Variants in SPAM1 observed in about 807,000 individuals in gnomAD.
SPAM1 encodes the protein sperm adhesion molecule 1, also known as hyaluronidase PH-20.
SPAM1 carries 22 observed loss-of-function variants against 29.6 expected under a neutral mutation model. The ratio of observed to expected loss-of-function variants is 0.74; its 90% confidence interval spans 0.53 to 1.06. The LOEUF is 1.06. SPAM1 is among the 50% of genes least tolerant of loss of function. The pLI is 0.00. For missense variants in SPAM1, 534 were observed against 604.0 expected (o/e 0.88, Z 1.21); for synonymous variants, 194 against 204.6 (o/e 0.95, Z 0.44).
downstream of SPAM1, among the ~76,000 whole-genome samples, chr7:123,964,697 C>T (rs542309087): frequency 6.6e-5 from 10 of 151,850 alleles, no homozygotes; most frequent in South Asian, 4.2e-4. Flanking sequence ...CCACCACATG[C>T]GGCACTACTA....
intron 1 of SPAM1, among the ~76,000 whole-genome samples, chr7:123,927,029 T>C (rs1249738463): frequency 6.6e-6 from 1 of 152,198 alleles, no homozygotes; most frequent in Non-Finnish European, 1.5e-5. Context: ...AATTTTAAGG[T>C]ATGGCAAGGA....
At chr7:123,942,434 C>T (rs535998757) in intron 1 of SPAM1, among the ~76,000 whole-genome samples, 1 of 152,274 alleles carries the variant, frequency 6.6e-6, no homozygotes, top group East Asian at 1.9e-4. Context: ...TTTCTTTCTC[C>T]AGTCCTATTT....
At chr7:123,931,533 A>G (rs538995379) in intron 1 of SPAM1, among the ~76,000 whole-genome samples, 4 of 152,228 alleles carry the variant, frequency 2.6e-5, no homozygotes, top group Admixed American at 2.6e-4. Flanking sequence ...ATTAGATCCT[A>G]CCCTTTTTGT....
At chr7:123,939,925 C>T (rs1808376990) in intron 1 of SPAM1, among the ~76,000 whole-genome samples, 1 of 152,142 alleles carries the variant, frequency 6.6e-6, no homozygotes, top group Non-Finnish European at 1.5e-5. Flanking sequence ...GATCTTTCCT[C>T]TTAGTAATTT....
chr7:123,952,312 A>C (rs1421107706), intron 2 of SPAM1, among the ~76,000 whole-genome samples: 4 of 152,080 alleles, frequency 2.6e-5, no homozygotes, highest in Non-Finnish European at 4.4e-5. Context: ...TTTTTCAGCA[A>C]TGGGAATGAC....
At chr7:123,961,839 ACTT>A (rs1269253896), downstream of SPAM1, among the ~76,000 whole-genome samples, 14 of 152,126 alleles carry the variant, frequency 9.2e-5, no homozygotes, top group East Asian at 2.5e-3. Context: ...GGCGAAAGCC[ACTT>A]CTTACATGGT....
chr7:123,954,938 C>A, intron 3 of SPAM1, 59 bp from the exon 4 acceptor site: 1 of 1,112,216 alleles, frequency 9.0e-7, no homozygotes, highest in Non-Finnish European at 1.4e-6. Flanking sequence ...CGTTGCTGTC[C>A]TATGTATAGC....
intron 5 of SPAM1, chr7:123,970,114 A>T: frequency 7.2e-7 from 1 of 1,388,452 alleles, no homozygotes; most frequent in Non-Finnish European, 9.9e-7. Context: ...TATCTCCATT[A>T]GTTTGCTAGT....
chr7:123,926,689 A>T (rs1032327986), intron 1 of SPAM1, among the ~76,000 whole-genome samples: 6 of 152,316 alleles, frequency 3.9e-5, no homozygotes, highest in Middle Eastern at 3.4e-3. Flanking sequence ...GAAAGGCGGG[A>T]CAACTCAGAG....
intron 1 of SPAM1, among the ~76,000 whole-genome samples, chr7:123,939,888 G>T (rs1432853996): frequency 6.6e-6 from 1 of 152,158 alleles, no homozygotes; most frequent in Non-Finnish European, 1.5e-5. Context: ...CTGTTAGGTT[G>T]TTTTCACCAG....
intron 1 of SPAM1, among the ~76,000 whole-genome samples, chr7:123,927,060 A>ATT (rs998740830): frequency 1.3e-5 from 2 of 152,036 alleles, no homozygotes; most frequent in Non-Finnish European, 2.9e-5. Flanking sequence ...GGGGTTAAAT[A>ATT]TTTTTTTCCT....
intron 1 of SPAM1, among the ~76,000 whole-genome samples, chr7:123,927,870 CA>C (rs1214810741): frequency 6.6e-6 from 1 of 151,944 alleles, no homozygotes; most frequent in African/African-American, 2.4e-5. Context: ...AACATAAATG[CA>C]AAGATAAATT....
Position 123,953,798 on chromosome 7 carries a change from A to G in SPAM1, c.228A>G (p.Ile76Met). Reference sequence around the variant, plus strand: ...TAGATATGAGCCTCTTCTCTTTCATAGGAAGCCCCCGAATAAACGCCACCG... The same window carrying G: ...TAGATATGAGCCTCTTCTCTTTCATGGGAAGCCCCCGAATAAACGCCACCG... ...EPLDMSLFSFIGSPRINATGQ... is the reference protein window; with the variant it reads ...EPLDMSLFSFMGSPRINATGQ... Residue 76 changes from isoleucine (I) to methionine (M), a missense_variant, in exon 3 of 5, where the codon ATA becomes ATG. Transcript: ENST00000682466. The G allele has an allele frequency of 6.2e-7, 1 of 1,612,436 alleles. No individual in the cohort carries two copies. Among genetic ancestry groups the G allele is most frequent in the Non-Finnish European group, 8.5e-7 (1 of 1,179,382 alleles).
At chr7:123,936,964 C>T (rs1341836895) in intron 1 of SPAM1, among the ~76,000 whole-genome samples, 1 of 152,184 alleles carries the variant, frequency 6.6e-6, no homozygotes, top group African/African-American at 2.4e-5. Context: ...CTCCTCCCAC[C>T]TCACCTTTCT....
At chr7:123,958,506 A>G (rs1792293954) in intron 4 of SPAM1, among the ~76,000 whole-genome samples, 1 of 152,040 alleles carries the variant, frequency 6.6e-6, no homozygotes, top group Non-Finnish European at 1.5e-5. Context: ...CCAGCAATTT[A>G]TAAGCCATCC....
intron 1 of SPAM1, chr7:123,925,836 A>G (rs1028790395): frequency 4.6e-5 from 7 of 152,224 alleles, no homozygotes; most frequent in African/African-American, 1.4e-4. Flanking sequence ...TTATTAAGTC[A>G]TAAGAGAATG....
At chr7:123,934,649 C>A (rs1239697864) in intron 1 of SPAM1, among the ~76,000 whole-genome samples, 2 of 152,076 alleles carry the variant, frequency 1.3e-5, no homozygotes, top group Non-Finnish European at 2.9e-5. Flanking sequence ...TAATGGAATA[C>A]AATTCAGCCA....
downstream of SPAM1, among the ~76,000 whole-genome samples, chr7:123,961,459 C>T (rs780629468): frequency 2.6e-5 from 4 of 151,876 alleles, no homozygotes; most frequent in Non-Finnish European, 5.9e-5. Context: ...AAGATAATGG[C>T]CTCTAGTTCC....
intron 1 of SPAM1, among the ~76,000 whole-genome samples, chr7:123,944,507 C>CAA (rs756824312): frequency 6.6e-6 from 1 of 151,960 alleles, no homozygotes; most frequent in Non-Finnish European, 1.5e-5. Flanking sequence ...GCCCAGTTAC[C>CAA]AAAAGGCAAA....
Sources: allele counts gnomAD v4.1 joint callset (sites outside exome capture counted in the v4.1 genomes callset), GRCh38; gene constraint gnomAD v4.1.1; transcripts MANE v1.5; gene names NCBI Gene and HGNC (gene_info 2026-07-23, HGNC 2026-07-21).